Variants in GRAMD1B observed in about 807,000 individuals in gnomAD.
The protein encoded by GRAMD1B is protein Aster-B.
Under a neutral mutation model 99.7 loss-of-function variants are expected in GRAMD1B, and 37 were observed. That is an observed-to-expected ratio of 0.37 (90% CI 0.29 to 0.49). GRAMD1B has a LOEUF of 0.49. Among genes scored for constraint, GRAMD1B ranks in the 20% least tolerant of loss-of-function variants. The pLI is 0.98. For synonymous variants in GRAMD1B, 427 were observed against 387.6 expected (o/e 1.10, Z -1.19); for missense variants, 888 against 1,009.2 (o/e 0.88, Z 1.63).
In GRAMD1B at chr11:123,588,179, G is replaced by C. The variant is rs576596611; in HGVS notation, c.684+3847G>C. Among the ~76,000 whole-genome samples, 83 of 151,414 alleles carry C rather than the reference G, an allele frequency of 5.5e-4. No individual in the cohort carries two copies. The South Asian group carries it at 0.012, about 22-fold the overall frequency. On this transcript the variant is annotated intron_variant, in intron 4 of 19. Coordinates refer to ENST00000635736, the MANE Select transcript of GRAMD1B (RefSeq NM_001387025.1). The stretch of plus-strand genomic sequence containing the variant: ...TCTTAACTGGTTTCTTCCTAGCTGA[G>C]ATCAATGCCCCACCGAAATCCATCT...
chr11:123,394,062 G>A (rs971962310), intron 1 of GRAMD1B, among the ~76,000 whole-genome samples: 1 of 152,108 alleles, frequency 6.6e-6, no homozygotes, highest in Non-Finnish European at 1.5e-5. Flanking sequence ...ATGGTTTAAA[G>A]GTTTCTTGTT....
chr11:123,543,493 C>T (rs1388232291), intron 2 of GRAMD1B, among the ~76,000 whole-genome samples: 1 of 152,272 alleles, frequency 6.6e-6, no homozygotes, highest in East Asian at 1.9e-4. Context: ...AAGGAGGAAA[C>T]CCTGCTTATG....
At chr11:123,551,130 A>G (rs1390947234) in intron 2 of GRAMD1B, among the ~76,000 whole-genome samples, 2 of 152,016 alleles carry the variant, frequency 1.3e-5, no homozygotes, top group Non-Finnish European at 2.9e-5. Context: ...TCCATAAAAA[A>G]TTCTAGAGCT....
intron 1 of GRAMD1B, among the ~76,000 whole-genome samples, chr11:123,413,800 T>A (rs1401624418): frequency 6.6e-6 from 1 of 151,896 alleles, no homozygotes; most frequent in East Asian, 1.9e-4. Flanking sequence ...CTTCACTGAC[T>A]CATGCTTTTC....
intron 1 of GRAMD1B, chr11:123,435,355 T>G: frequency 1.4e-6 from 1 of 693,538 alleles, no homozygotes; most frequent in Non-Finnish European, 2.6e-6. Flanking sequence ...CTTGTGGATT[T>G]CTTTTAATTT....
At chr11:123,573,067 G>C (rs1004107527) in intron 2 of GRAMD1B, among the ~76,000 whole-genome samples, 13 of 151,140 alleles carry the variant, frequency 8.6e-5, no homozygotes, top group Admixed American at 7.2e-4. Flanking sequence ...GGCCCCGATG[G>C]CTGGGGCAGG....
chr11:123,411,080 C>T (rs922505275), intron 1 of GRAMD1B, among the ~76,000 whole-genome samples: 1 of 151,926 alleles, frequency 6.6e-6, no homozygotes, highest in African/African-American at 2.4e-5. Context: ...TCTCGGCTCA[C>T]TGCAAGCTCC....
chr11:123,580,837 A>G (rs1949274495), intron 3 of GRAMD1B, among the ~76,000 whole-genome samples: 1 of 149,940 alleles, frequency 6.7e-6, no homozygotes, highest in Non-Finnish European at 1.5e-5. Context: ...GCCCTGCTGC[A>G]CACCTCCCCA....
rs145623988 is a variant in GRAMD1B, at chr11:123,364,574, C to T, written c.-176+5775C>T. ...CAGTTCATCTGGCATAGCTTTGAAG[C>T]GAAGGAATGTTTTTATGCACGTTGA... On this transcript the variant is annotated intron_variant, in intron 1 of 20. Transcript: ENST00000638157. 2.6e-3 allele frequency among the ~76,000 whole-genome samples: 394 copies of T among 152,272 alleles called. 3 individuals carry two copies. Among genetic ancestry groups the T allele is most frequent in the Middle Eastern group, 0.02 (6 of 294 alleles).
At chr11:123,496,508 G>T (rs1367142307) in intron 2 of GRAMD1B, among the ~76,000 whole-genome samples, 1 of 151,446 alleles carries the variant, frequency 6.6e-6, no homozygotes. Flanking sequence ...CTTTCTCTAG[G>T]TTTGAGAAGT....
chr11:123,559,579 G>T lies in GRAMD1B; in HGVS notation c.453-17788G>T, dbSNP rs1054760192. The T allele has an allele frequency of 6.5e-6, 4 of 612,620 alleles. No individual in the cohort carries two copies. The African/African-American group carries it at 8.0e-5, about 12-fold the overall frequency. The allele number at this position is 612,620 out of a possible 1,614,324, so 37.9% of individuals were successfully genotyped here. On this transcript the variant is annotated intron_variant, in intron 2 of 19. Coordinates refer to ENST00000635736, the MANE Select transcript of GRAMD1B (RefSeq NM_001387025.1). ...CGCACTGCCAGAACTTTCCTCTGGG[G>T]GCTGTCTGAGTACTAATACTGCATT...
chr11:123,401,784 C>T (rs1053058341), intron 1 of GRAMD1B, among the ~76,000 whole-genome samples: 4 of 152,030 alleles, frequency 2.6e-5, no homozygotes, highest in Admixed American at 1.3e-4. Flanking sequence ...TGGCATGTGC[C>T]GGCAGTCCCA....
chr11:123,464,929 T>C (rs1444210208), intron 1 of GRAMD1B, among the ~76,000 whole-genome samples: 1 of 151,928 alleles, frequency 6.6e-6, no homozygotes, highest in Non-Finnish European at 1.5e-5. Context: ...ATGGAAGTTG[T>C]TGGGGAGAAG....
chr11:123,432,906 G>A (rs1948966946), intron 1 of GRAMD1B, among the ~76,000 whole-genome samples: 1 of 152,182 alleles, frequency 6.6e-6, no homozygotes, highest in African/African-American at 2.4e-5. Flanking sequence ...ACTGAGCATG[G>A]TTCTCTCAGC....
chr11:123,583,472 A>G (rs1949693943), intron 3 of GRAMD1B, among the ~76,000 whole-genome samples: 1 of 152,042 alleles, frequency 6.6e-6, no homozygotes, highest in Non-Finnish European at 1.5e-5. Flanking sequence ...GTGTGTGTAT[A>G]TGTGCACACA....
chr11:123,600,314 T>C (rs1951795458), intron 7 of GRAMD1B, among the ~76,000 whole-genome samples, 154 bp from the exon 8 acceptor site: 2 of 152,194 alleles, frequency 1.3e-5, no homozygotes, highest in African/African-American at 4.8e-5. Flanking sequence ...GCTGACCCCA[T>C]CACTAAAGCG....
intron 1 of GRAMD1B, chr11:123,459,797 G>A (rs1950327378): frequency 6.6e-6 from 1 of 151,928 alleles, no homozygotes; most frequent in Admixed American, 6.5e-5. Flanking sequence ...GGGCAGGGCT[G>A]GGTCTTAGGT....
chr11:123,427,739 G>A (rs1223784215), upstream of GRAMD1B, among the ~76,000 whole-genome samples: 1 of 152,102 alleles, frequency 6.6e-6, no homozygotes, highest in Non-Finnish European at 1.5e-5. Flanking sequence ...CAGGCTAAGA[G>A]AGCTCAGGGT....
chr11:123,522,176 A>C (rs1264580897), intron 2 of GRAMD1B, among the ~76,000 whole-genome samples: 1 of 152,184 alleles, frequency 6.6e-6, no homozygotes, highest in East Asian at 1.9e-4. Context: ...GAACTTTTCA[A>C]ACCATGGAGA....
Sources: allele counts gnomAD v4.1 joint callset (sites outside exome capture counted in the v4.1 genomes callset), GRCh38; gene constraint gnomAD v4.1.1; transcripts MANE v1.5; gene names NCBI Gene and HGNC (gene_info 2026-07-23, HGNC 2026-07-21).